The following HECTD4 variants were observed in gnomAD, a reference collection of about 807,000 sequenced individuals.
HECTD4 encodes the protein probable E3 ubiquitin-protein ligase HECTD4.
A neutral mutation model predicts 471.5 loss-of-function variants in HECTD4; 114 were observed. That is an observed-to-expected ratio of 0.24 (90% CI 0.21 to 0.28). The LOEUF is 0.28. Ranked by LOEUF, HECTD4 falls within the 10% of genes least tolerant of loss-of-function variation. HECTD4 has a pLI of 1.00. For missense variants in HECTD4, 3,866 were observed against 5,651.5 expected, an observed-to-expected ratio of 0.68 and a Z score of 10.13; for synonymous variants, 2,012 against 2,256.0, an observed-to-expected ratio of 0.89 and a Z score of 3.07.
intron 50 of HECTD4, among the ~76,000 whole-genome samples, chr12:112,208,893 CTTTTTTTTTTT>C (rs756330403): frequency 1.2e-4 from 9 of 72,470 alleles, no homozygotes; most frequent in African/African-American, 4.1e-4. Context: ...ACTAAACAGG[CTTTTTTTTTTT>C]TTTTTTTTTT....
chr12:112,212,817 A>G (rs920110629), intron 48 of HECTD4, among the ~76,000 whole-genome samples, 167 bp from the exon 49 acceptor site: 4 of 149,300 alleles, frequency 2.7e-5, no homozygotes, highest in African/African-American at 9.8e-5. Flanking sequence ...ATTTATTGAG[A>G]CGGAGTCTCA....
chr12:112,175,595 T>C, intron 66 of HECTD4, 141 bp downstream of exon 66: 13 of 1,014,962 alleles, frequency 1.3e-5, no homozygotes, highest in Non-Finnish European at 1.9e-5. Flanking sequence ...ATTTAGCACT[T>C]AGGAAAAAAC....
chr12:112,262,986 A>G (rs1451297747), intron 17 of HECTD4, among the ~76,000 whole-genome samples: 1 of 152,118 alleles, frequency 6.6e-6, no homozygotes, highest in East Asian at 1.9e-4. Context: ...GATGAGCCAA[A>G]TCATGTTTTA....
At chr12:112,169,051 A>T (rs1248889821) in intron 70 of HECTD4, among the ~76,000 whole-genome samples, 1 of 152,234 alleles carries the variant, frequency 6.6e-6, no homozygotes, top group Non-Finnish European at 1.5e-5. Flanking sequence ...CTCCATCTGC[A>T]GTGGACACGT....
intron 2 of HECTD4, among the ~76,000 whole-genome samples, chr12:112,316,042 T>C (rs2035471657): frequency 6.6e-6 from 1 of 151,838 alleles, no homozygotes; most frequent in Non-Finnish European, 1.5e-5. Context: ...CAGCCTTCAA[T>C]CAGATTTTAA....
At chr12:112,231,346 C>T (rs925482009) in intron 39 of HECTD4, 167 bp downstream of exon 39, 9 of 636,446 alleles carry the variant, frequency 1.4e-5, no homozygotes, top group Non-Finnish European at 5.6e-6. Context: ...ATGGTCATTA[C>T]TCCCCGACGT....
In HECTD4 at chr12:112,315,744, G is replaced by A. The variant is rs1459566988; in HGVS notation, c.696-1198C>T. ...AGATTTGTTTTTTTAAAAGAGACAG[G>A]GTCTGGCTGGGTGCAGTGGCTCACA... is the stretch of plus-strand genomic sequence containing the variant. On this transcript the variant is annotated intron_variant, in intron 2 of 75. Coordinates refer to ENST00000682272, the MANE Select transcript of HECTD4 (RefSeq NM_001388303.1). Among the ~76,000 whole-genome samples, 4 of 151,916 alleles carry A rather than the reference G, an allele frequency of 2.6e-5. No homozygotes were observed. The East Asian group carries it at 7.7e-4, about 29-fold the overall frequency.
intron 1 of HECTD4, among the ~76,000 whole-genome samples, chr12:112,370,649 C>T (rs766735865): frequency 2.0e-5 from 3 of 151,960 alleles, no homozygotes; most frequent in African/African-American, 2.4e-5. Flanking sequence ...AGAATATACA[C>T]GAAAAAATTT....
At chr12:112,332,017 T>C (rs1266151974) in intron 1 of HECTD4, among the ~76,000 whole-genome samples, 1 of 151,820 alleles carries the variant, frequency 6.6e-6, no homozygotes, top group Non-Finnish European at 1.5e-5. Context: ...TGAAAAATGG[T>C]TAAGGAACTG....
intron 11 of HECTD4, among the ~76,000 whole-genome samples, chr12:112,272,746 A>G (rs528696814): frequency 1.8e-4 from 28 of 152,200 alleles, no homozygotes; most frequent in Middle Eastern, 3.4e-3. Flanking sequence ...ACTGGGATCA[A>G]GATCTAAGAC....
chr12:112,182,057 C>T (rs1467295285), intron 62 of HECTD4, among the ~76,000 whole-genome samples: 1 of 151,844 alleles, frequency 6.6e-6, no homozygotes, highest in African/African-American at 2.4e-5. Context: ...TGTACCACTG[C>T]ACTCCAGCCC....
At position 112,340,402 on chromosome 12, in the gene HECTD4, G is replaced by A. The variant is rs145495129; in HGVS notation, c.178-20660C>T. Among the ~76,000 whole-genome samples, 42 of 149,006 alleles carry A rather than the reference G, an allele frequency of 2.8e-4. No individual in the cohort carries two copies. The East Asian group carries it at 8.0e-3, about 28-fold the overall frequency. On this transcript the variant is annotated intron_variant, in intron 1 of 75. Transcript: ENST00000682272. ...GCTGCAATCAGCTCTGCCTCTGGAA[G>A]GAGCTATTGCTTGTCTGGGAGACTA...
intron 23 of HECTD4, 99 bp downstream of exon 23, chr12:112,252,325 C>T (rs1007597160): frequency 5.0e-6 from 6 of 1,204,098 alleles, no homozygotes; most frequent in Non-Finnish European, 6.8e-6. Flanking sequence ...GAAAGAGTGA[C>T]TCATATTCTG....
At chr12:112,344,711 G>C (rs2036114819) in intron 1 of HECTD4, among the ~76,000 whole-genome samples, 1 of 152,168 alleles carries the variant, frequency 6.6e-6, no homozygotes. Context: ...ATGAGGTCAG[G>C]AGTTCAAGAC....
chr12:112,345,751 C>T lies in HECTD4; in HGVS notation c.178-26009G>A, dbSNP rs559610793. On this transcript the variant is annotated intron_variant, in intron 1 of 75. Coordinates refer to ENST00000682272, the MANE Select transcript of HECTD4 (RefSeq NM_001388303.1). ...TCTACTAAAAATACAAAAAATTAGC[C>T]GGGCATGGTGGCGGGCACCTGTAGT... is the stretch of plus-strand genomic sequence containing the variant. Among the ~76,000 whole-genome samples, 835 of 152,094 alleles carry T rather than the reference C, an allele frequency of 5.5e-3. 7 individuals are homozygous for T. Among genetic ancestry groups the T allele is most frequent in the African/African-American group, 0.019 (789 of 41,492 alleles).
Position 112,184,219 on chromosome 12 carries a change from C to A in HECTD4, c.10747G>T (p.Ala3583Ser). ...VTSLDNQPLA[A>S]RPIKGFAVVE... is the part of the protein sequence containing the mutation. ...ACTGCGAAGCCTTTGATGGGGCGGG[C>A]GGCGAGGGGCTGGTTGTCCAGGGAA... Residue 3583 changes from alanine (A) to serine (S), a missense_variant, in exon 61 of 76, where the codon GCC becomes TCC. This residue lies in a region of HECTD4 where 192 missense variants were observed against 189.9 expected (regional missense o/e 1.01). Transcript: ENST00000682272. The surrounding 1 kb of genome is among the most constrained non-coding windows in gnomAD (Gnocchi z 9.1). The A allele has an allele frequency of 1.9e-6, 3 of 1,611,768 alleles. No homozygotes were observed. Among genetic ancestry groups the A allele is most frequent in the Non-Finnish European group, 2.5e-6 (3 of 1,178,990 alleles).
At chr12:112,324,094 CTT>C (rs1171995107) in intron 1 of HECTD4, among the ~76,000 whole-genome samples, 1 of 84,310 alleles carries the variant, frequency 1.2e-5, no homozygotes, top group Admixed American at 1.5e-4. Context: ...TTCTTTCTTT[CTT>C]TCTTTCCTCT....
intron 44 of HECTD4, among the ~76,000 whole-genome samples, chr12:112,222,531 G>T (rs1177813855): frequency 6.6e-6 from 1 of 152,206 alleles, no homozygotes; most frequent in African/African-American, 2.4e-5. Flanking sequence ...TCCACGTGTG[G>T]TGGCAGGCAC....
chr12:112,279,197 G>A (rs761448386), intron 9 of HECTD4, 31 bp downstream of exon 9: 4 of 1,578,110 alleles, frequency 2.5e-6, no homozygotes, highest in African/African-American at 1.4e-5. Context: ...GAGATAAATC[G>A]AGGAAAGTGC....
Sources: allele counts gnomAD v4.1 joint callset (sites outside exome capture counted in the v4.1 genomes callset), GRCh38; gene constraint gnomAD v4.1.1; regional missense constraint gnomAD v4.1.1; non-coding constraint Gnocchi (gnomAD v3.1); transcripts MANE v1.5; gene names NCBI Gene and HGNC (gene_info 2026-07-23, HGNC 2026-07-21).